The following RXFP2 variants were observed in gnomAD, a reference collection of about 807,000 sequenced individuals.
The protein encoded by RXFP2 is relaxin family peptide receptor 2.
A neutral mutation model predicts 88.6 loss-of-function variants in RXFP2; 68 were observed. The ratio of observed to expected loss-of-function variants is 0.77; its 90% CI spans 0.63 to 0.94. The LOEUF is 0.94. RXFP2 is among the 40% of genes least tolerant of loss of function. RXFP2 has a pLI of 0.00. For synonymous variants in RXFP2, 329 were observed against 306.8 expected, an observed-to-expected ratio of 1.07 and a Z score of -0.76; for missense variants, 791 against 893.9, an observed-to-expected ratio of 0.88 and a Z score of 1.47.
chr13:31,759,375 G>GAGAAGGAA (rs1453244832), intron 2 of RXFP2, among the ~76,000 whole-genome samples: 23 of 22,994 alleles, frequency 1.0e-3, no homozygotes, highest in African/African-American at 4.0e-3. Context: ...CATTTGGATT[G>GAGAAGGAA]AGAAAGAAAG....
chr13:31,741,076 A>G (rs1451220185), intron 1 of RXFP2, among the ~76,000 whole-genome samples: 1 of 152,110 alleles, frequency 6.6e-6, no homozygotes, highest in African/African-American at 2.4e-5. Flanking sequence ...GCTTTTATAC[A>G]TAATGCATTT....
At chr13:31,792,537 T>A in intron 15 of RXFP2, 141 bp from the exon 16 acceptor site, 1 of 771,130 alleles carries the variant, frequency 1.3e-6, no homozygotes, top group Non-Finnish European at 2.2e-6. Flanking sequence ...GGTACTCAGA[T>A]GTTTACATTA....
At chr13:31,751,559 A>G (rs991969908) in intron 1 of RXFP2, among the ~76,000 whole-genome samples, 25 of 152,140 alleles carry the variant, frequency 1.6e-4, no homozygotes, top group African/African-American at 6.0e-4. Flanking sequence ...CTGCCCAAAC[A>G]TACACTGCAG....
intron 1 of RXFP2, among the ~76,000 whole-genome samples, chr13:31,745,816 A>G (rs1362431539): frequency 6.6e-6 from 1 of 152,244 alleles, no homozygotes; most frequent in Non-Finnish European, 1.5e-5. Flanking sequence ...AGTTCAGCAA[A>G]GAAGGTAGAC....
chr13:31,780,731 G>A (rs998115656), intron 9 of RXFP2, among the ~76,000 whole-genome samples: 5 of 152,202 alleles, frequency 3.3e-5, no homozygotes, highest in African/African-American at 4.8e-5. Flanking sequence ...AGAGTGTTCC[G>A]GAAGGCGCTG....
At chr13:31,798,303 T>C (rs1198545518) in intron 17 of RXFP2, among the ~76,000 whole-genome samples, 2 of 152,204 alleles carry the variant, frequency 1.3e-5, no homozygotes, top group Admixed American at 1.3e-4. Context: ...CCACACAACA[T>C]TCACAACATC....
At position 31,792,916 on chromosome 13, in the gene RXFP2, C is replaced by T; in HGVS notation, c.1614C>T (p.Thr538=). ...FSNIRPGKRQ[T]SVILICIWMA... is the part of the protein sequence containing the mutation. ...ACATTCGACCTGGAAAACGGCAGAC[C>T]TCAGTCATCCTCATTTGCATCTGGA... The change falls in exon 16 of 18, where the codon ACC becomes ACT. Residue 538 remains threonine (T), a synonymous_variant. Transcript: ENST00000298386. 6.2e-7 allele frequency: 1 copy of T among 1,614,134 alleles called. No homozygotes were observed. Among genetic ancestry groups the T allele is most frequent in the Non-Finnish European group, 8.5e-7 (1 of 1,180,034 alleles).
Position 31,801,573 on chromosome 13 carries a change from C to G in RXFP2, c.2006-573C>G, listed in dbSNP as rs185959016. ...TCACCTCACAAAGAACTTCTTGTGA[C>G]CTCTTTCCCTGAATATTCTATTAGC... On this transcript the variant is annotated intron_variant, in intron 17 of 17. Coordinates refer to ENST00000298386, the MANE Select transcript of RXFP2 (RefSeq NM_130806.5). 2.0e-5 allele frequency among the ~76,000 whole-genome samples: 3 copies of G among 152,180 alleles called. No homozygotes were observed. In the East Asian group the frequency reaches 5.8e-4, roughly 29 times the overall value.
intron 11 of RXFP2, among the ~76,000 whole-genome samples, chr13:31,786,013 A>G (rs1873520659): frequency 6.6e-6 from 1 of 152,258 alleles, no homozygotes; most frequent in Non-Finnish European, 1.5e-5. Flanking sequence ...GTGTAGTTGG[A>G]TAAACAAGAG....
At chr13:31,750,707 A>C (rs116318429) in intron 1 of RXFP2, among the ~76,000 whole-genome samples, 2,324 of 152,310 alleles carry the variant, frequency 0.015, 62 homozygotes, top group African/African-American at 0.053. Flanking sequence ...AAACCAAGCA[A>C]GATGAGGACT....
At chr13:31,770,319 T>C (rs1228989987) in intron 5 of RXFP2, among the ~76,000 whole-genome samples, 1 of 152,206 alleles carries the variant, frequency 6.6e-6, no homozygotes, top group Non-Finnish European at 1.5e-5. Flanking sequence ...TTTGCCATCT[T>C]TTACTTTCCA....
At chr13:31,754,513 A>G (rs1289306576) in intron 1 of RXFP2, among the ~76,000 whole-genome samples, 1 of 152,102 alleles carries the variant, frequency 6.6e-6, no homozygotes, top group Non-Finnish European at 1.5e-5. Flanking sequence ...CCTGGGTGAC[A>G]GGGCAAGATT....
chr13:31,789,078 C>A, intron 13 of RXFP2, 44 bp from the exon 14 acceptor site: 1 of 1,181,920 alleles, frequency 8.5e-7, no homozygotes, highest in Non-Finnish European at 1.3e-6. Flanking sequence ...ATTATTAAAA[C>A]GTTTCATCTC....
chr13:31,799,533 A>T (rs543616063), intron 17 of RXFP2, among the ~76,000 whole-genome samples: 1 of 152,002 alleles, frequency 6.6e-6, no homozygotes, highest in Non-Finnish European at 1.5e-5. Context: ...ACACCTTTTG[A>T]TGTGCTTTCC....
At chr13:31,751,568 A>ATGT (rs1339221571) in intron 1 of RXFP2, among the ~76,000 whole-genome samples, 8 of 152,334 alleles carry the variant, frequency 5.3e-5, no homozygotes. Context: ...CATACACTGC[A>ATGT]GCCTGGGATG....
At chr13:31,776,878 C>T (rs746356656) in intron 7 of RXFP2, among the ~76,000 whole-genome samples, 7 of 152,108 alleles carry the variant, frequency 4.6e-5, no homozygotes, top group Non-Finnish European at 1.0e-4. Flanking sequence ...ACTCTTTCAC[C>T]CAGAAAGCTC....
chr13:31,758,520 GA>G, intron 2 of RXFP2, 116 bp downstream of exon 2: 3 of 1,227,026 alleles, frequency 2.4e-6, no homozygotes, highest in Non-Finnish European at 3.5e-6. Flanking sequence ...GTTCTGTAGG[GA>G]TTTCCTTTGA....
chr13:31,758,398 A>ACG lies in RXFP2; in HGVS notation c.235_236insCG (p.Asn79ThrfsTer25). ...CTGTGGGAACGGGGCGGACGAAGAG[A>ACG]ACTGTGGTGAGTGCTCCCCTCGGCT... On this transcript the variant is annotated frameshift_variant, in exon 2 of 18. Coordinates refer to ENST00000298386, the MANE Select transcript of RXFP2 (RefSeq NM_130806.5). LOFTEE classifies it high-confidence loss of function. The ACG allele has an allele frequency of 6.2e-7, 1 of 1,614,078 alleles. No individual in the cohort carries two copies. The highest frequency in any genetic ancestry group is 2.2e-5 in the East Asian group (1 of 44,868).
chr13:31,758,768 C>T (rs1024793913), intron 2 of RXFP2, among the ~76,000 whole-genome samples: 1 of 151,904 alleles, frequency 6.6e-6, no homozygotes, highest in Non-Finnish European at 1.5e-5. Context: ...CTGGGAGTGG[C>T]GGCTCATGCC....
Sources: allele counts gnomAD v4.1 joint callset (sites outside exome capture counted in the v4.1 genomes callset), GRCh38; gene constraint gnomAD v4.1.1; transcripts MANE v1.5; gene names NCBI Gene and HGNC (gene_info 2026-07-23, HGNC 2026-07-21).